DYNC1LI1: variants seen among roughly 807,000 people sequenced by gnomAD.
DYNC1LI1 encodes cytoplasmic dynein 1 light intermediate chain 1.
A neutral mutation model predicts 63.8 loss-of-function variants in DYNC1LI1; 19 were observed. The observed-to-expected ratio is 0.30, with a 90% CI of 0.21 to 0.44. DYNC1LI1 has a LOEUF of 0.44. DYNC1LI1 is among the 20% of genes least tolerant of loss of function. The probability of loss-of-function intolerance (pLI) is 1.00; values close to 1 mark genes in which losing one functional copy is unlikely to be tolerated. For synonymous variants in DYNC1LI1, 225 were observed against 232.3 expected (o/e 0.97, Z 0.28); for missense variants, 565 against 630.2 (o/e 0.90, Z 1.11).
At chr3:32,567,575 GT>G (rs1177157168) in intron 2 of DYNC1LI1, among the ~76,000 whole-genome samples, 2 of 151,702 alleles carry the variant, frequency 1.3e-5, no homozygotes, top group Non-Finnish European at 2.9e-5. Flanking sequence ...GTCTCACTCT[GT>G]TGCCCAGGCT....
chr3:32,543,750 G>A (rs1697914318), intron 4 of DYNC1LI1, among the ~76,000 whole-genome samples: 2 of 150,538 alleles, frequency 1.3e-5, no homozygotes, highest in Non-Finnish European at 1.5e-5. Flanking sequence ...GGCAAATGAA[G>A]AACTCTAAGT....
At chr3:32,536,485 C>T (rs1473532003) in intron 6 of DYNC1LI1, among the ~76,000 whole-genome samples, 13 of 152,138 alleles carry the variant, frequency 8.5e-5, no homozygotes. Context: ...ATTAACAAGA[C>T]TTTCTATGAT....
intron 10 of DYNC1LI1, among the ~76,000 whole-genome samples, chr3:32,529,910 T>C (rs772934712): frequency 2.0e-5 from 3 of 152,170 alleles, no homozygotes; most frequent in Non-Finnish European, 2.9e-5. Context: ...TGATGATGTA[T>C]GGTTAGAAGC....
chr3:32,537,129 T>C lies in DYNC1LI1; in HGVS notation c.739-25A>G, dbSNP rs747156857. ...ACTGTTAAGTTAAAATAATTAAAAA[T>C]AATACATTTAAAATAATCATAACTA... On this transcript the variant is annotated intron_variant, in intron 5 of 12. Transcript: ENST00000273130. The C allele has an allele frequency of 3.2e-6, 4 of 1,266,498 alleles. No individual in the cohort carries two copies. The Admixed American group carries it at 7.0e-5, about 22-fold the overall frequency. 78.5% of individuals were successfully genotyped at this position (1,266,498 alleles called of 1,614,324 possible). A position where few individuals can be genotyped will look rare whatever the true frequency, so the allele number is the denominator to read the frequency against.
intron 2 of DYNC1LI1, among the ~76,000 whole-genome samples, chr3:32,559,752 C>T (rs1698165426): frequency 6.6e-6 from 1 of 152,176 alleles, no homozygotes; most frequent in African/African-American, 2.4e-5. Context: ...TGCTATATCC[C>T]TTCCTTATCC....
chr3:32,555,943 G>A (rs1025553267), intron 2 of DYNC1LI1, among the ~76,000 whole-genome samples: 5 of 152,120 alleles, frequency 3.3e-5, no homozygotes, highest in African/African-American at 9.7e-5. Flanking sequence ...TGGAATTTTC[G>A]TAAGATGTGA....
At chr3:32,565,486 C>G (rs1187878229) in intron 2 of DYNC1LI1, among the ~76,000 whole-genome samples, 2 of 152,210 alleles carry the variant, frequency 1.3e-5, no homozygotes, top group African/African-American at 4.8e-5. Flanking sequence ...AAGATACACA[C>G]TGAGAAGAAT....
intron 2 of DYNC1LI1, among the ~76,000 whole-genome samples, chr3:32,555,641 C>A (rs1235759213): frequency 6.6e-6 from 1 of 152,122 alleles, no homozygotes; most frequent in Non-Finnish European, 1.5e-5. Context: ...TATATACCAG[C>A]CCCCAATCCA....
At chr3:32,537,983 A>ATATATATATATAATTTATATATAT (rs1697811838) in intron 5 of DYNC1LI1, among the ~76,000 whole-genome samples, 1 of 23,430 alleles carries the variant, frequency 4.3e-5, no homozygotes, top group Non-Finnish European at 6.9e-5. Context: ...TTTATATATA[A>ATATATATATATAATTTATATATAT]TATATATATA....
intron 2 of DYNC1LI1, among the ~76,000 whole-genome samples, chr3:32,556,886 T>C (rs1426021575): frequency 6.6e-5 from 10 of 152,220 alleles, no homozygotes; most frequent in Admixed American, 6.5e-4. Flanking sequence ...CATAATATAC[T>C]TCATCTGTAA....
At chr3:32,562,507 T>A (rs1698206723) in intron 2 of DYNC1LI1, among the ~76,000 whole-genome samples, 1 of 152,100 alleles carries the variant, frequency 6.6e-6, no homozygotes, top group Non-Finnish European at 1.5e-5. Context: ...ACCAGCTATT[T>A]AAAAAATTTT....
chr3:32,554,370 A>G (rs1351227125), intron 2 of DYNC1LI1, among the ~76,000 whole-genome samples: 2 of 152,266 alleles, frequency 1.3e-5, no homozygotes, highest in African/African-American at 2.4e-5. Context: ...TAAATGTAGT[A>G]TGTTAAACAT....
At chr3:32,568,633 C>G (rs1698301610) in intron 2 of DYNC1LI1, among the ~76,000 whole-genome samples, 1 of 152,010 alleles carries the variant, frequency 6.6e-6, no homozygotes, top group Admixed American at 6.6e-5. Flanking sequence ...ATGGCACAAC[C>G]TCAGTGCAAA....
chr3:32,534,256 T>C (rs892850426), intron 7 of DYNC1LI1, among the ~76,000 whole-genome samples: 5 of 152,118 alleles, frequency 3.3e-5, no homozygotes, highest in African/African-American at 1.2e-4. Context: ...GCAGATACAA[T>C]ACACTAATAT....
Position 32,528,620 on chromosome 3 carries a change from A to G in DYNC1LI1, c.1307-19T>C. The stretch of plus-strand genomic sequence containing the variant: ...GCTCCAGCTATAAAAAAATAAAAAA[A>G]CAAAAAGCTTTAGCCAAAACATAAG... On this transcript the variant is annotated intron_variant, in intron 11 of 12. Transcript: ENST00000273130. 2 of 1,585,434 alleles carry G rather than the reference A, an allele frequency of 1.3e-6. No individual in the cohort carries two copies. Among genetic ancestry groups the G allele is most frequent in the Non-Finnish European group, 1.7e-6 (2 of 1,171,002 alleles).
At chr3:32,528,258 G>GTTTC in intron 12 of DYNC1LI1, among the ~76,000 whole-genome samples, 188 bp downstream of exon 12, 1 of 151,894 alleles carries the variant, frequency 6.6e-6, no homozygotes, top group Non-Finnish European at 1.5e-5. Context: ...AATCCACAGA[G>GTTTC]GAAAGAGAGA....
chr3:32,538,699 TA>T (rs879362584), intron 5 of DYNC1LI1, among the ~76,000 whole-genome samples: 594 of 140,192 alleles, frequency 4.2e-3, no homozygotes, highest in Middle Eastern at 7.4e-3. Context: ...AGGCTCCATA[TA>T]AAAAAAAAAA....
At chr3:32,563,754 G>T (rs1698223688) in intron 2 of DYNC1LI1, among the ~76,000 whole-genome samples, 1 of 152,156 alleles carries the variant, frequency 6.6e-6, no homozygotes, top group Non-Finnish European at 1.5e-5. Context: ...CTGTATCTGT[G>T]ATTTGCCAGT....
intron 2 of DYNC1LI1, among the ~76,000 whole-genome samples, chr3:32,557,868 C>T (rs1465386249): frequency 6.6e-6 from 1 of 152,144 alleles, no homozygotes; most frequent in Admixed American, 6.5e-5. Flanking sequence ...CATACAATTA[C>T]GCAAGTAGAG....
Sources: allele counts gnomAD v4.1 joint callset (sites outside exome capture counted in the v4.1 genomes callset), GRCh38; gene constraint gnomAD v4.1.1; transcripts MANE v1.5; gene names NCBI Gene and HGNC (gene_info 2026-07-23, HGNC 2026-07-21).